UVRAG: variants seen among roughly 807,000 people sequenced by gnomAD.
UVRAG encodes the protein UV radiation resistance-associated gene protein.
Under a neutral mutation model 78.0 loss-of-function variants are expected in UVRAG, and 19 were observed. The ratio of observed to expected loss-of-function variants is 0.24; its 90% confidence interval spans 0.17 to 0.36. The LOEUF (loss-of-function observed/expected upper bound fraction) is 0.36. Ranked by LOEUF, UVRAG falls within the 10% of genes least tolerant of loss-of-function variation. UVRAG has a pLI of 1.00. For missense variants in UVRAG, 740 were observed against 853.8 expected, an observed-to-expected ratio of 0.87 and a Z score of 1.66; for synonymous variants, 323 against 324.6, an observed-to-expected ratio of 1.00 and a Z score of 0.05.
intron 1 of UVRAG, among the ~76,000 whole-genome samples, chr11:75,822,350 T>A (rs374875594): frequency 2.0e-5 from 3 of 152,212 alleles, no homozygotes; most frequent in African/African-American, 7.2e-5. Context: ...ACTATCAGCA[T>A]AACCCTTCTG....
chr11:75,927,801 G>T (rs921114206), intron 6 of UVRAG, among the ~76,000 whole-genome samples: 4 of 152,244 alleles, frequency 2.6e-5, no homozygotes, highest in Non-Finnish European at 5.9e-5. Context: ...TAGCTAGGTG[G>T]TCAGTCTAGT....
chr11:75,962,924 C>T (rs984166333), intron 7 of UVRAG, among the ~76,000 whole-genome samples: 2 of 152,078 alleles, frequency 1.3e-5, no homozygotes, highest in Non-Finnish European at 2.9e-5. Flanking sequence ...ACATACAGAG[C>T]AAGGTAACAG....
rs1167402166 is a variant in UVRAG at position 76,143,498 on chromosome 11, G to T, written c.*2085G>T. 6.6e-6 allele frequency among the ~76,000 whole-genome samples: 1 copy of T among 152,248 alleles called. No individual in the cohort carries two copies. Among genetic ancestry groups the T allele is most frequent in the Non-Finnish European group, 1.5e-5 (1 of 68,048 alleles). ...GTGGCTTTTCACCGCACGGCGGGGA[G>T]CCCTGCTCTTGAATGTCATCGGGCT... On this transcript the variant is annotated 3_prime_UTR_variant, in exon 15 of 15. Coordinates refer to ENST00000356136, the MANE Select transcript of UVRAG (RefSeq NM_003369.4).
intron 14 of UVRAG, among the ~76,000 whole-genome samples, chr11:76,125,918 C>T (rs1251917841): frequency 6.6e-6 from 1 of 151,440 alleles, no homozygotes; most frequent in African/African-American, 2.4e-5. Flanking sequence ...TAATATGAGC[C>T]ATACATATAA....
intron 13 of UVRAG, among the ~76,000 whole-genome samples, chr11:76,096,070 G>T (rs755808578): frequency 6.6e-6 from 1 of 152,246 alleles, no homozygotes; most frequent in Non-Finnish European, 1.5e-5. Flanking sequence ...AGTGTCATTT[G>T]TGTAGCTTGT....
intron 13 of UVRAG, among the ~76,000 whole-genome samples, chr11:76,095,511 T>C (rs1409875354): frequency 6.6e-6 from 1 of 150,612 alleles, no homozygotes; most frequent in African/African-American, 2.4e-5. Context: ...GTCTCATATA[T>C]CATATATTCA....
chr11:76,114,370 A>C (rs1282971477), intron 13 of UVRAG, among the ~76,000 whole-genome samples: 1 of 152,146 alleles, frequency 6.6e-6, no homozygotes, highest in Non-Finnish European at 1.5e-5. Context: ...TGCTTTCTCA[A>C]GTATTGTTAC....
chr11:75,816,195 AT>A (rs1565326647), intron 1 of UVRAG, among the ~76,000 whole-genome samples: 1 of 152,064 alleles, frequency 6.6e-6, no homozygotes, highest in African/African-American at 2.4e-5. Context: ...TTTGATGTAT[AT>A]ATTCATGTGT....
chr11:76,071,114 A>C (rs756388864), intron 13 of UVRAG, among the ~76,000 whole-genome samples: 1 of 152,230 alleles, frequency 6.6e-6, no homozygotes, highest in Non-Finnish European at 1.5e-5. Context: ...AGAGACATAC[A>C]ATAAACAGAG....
intron 13 of UVRAG, among the ~76,000 whole-genome samples, chr11:76,111,675 GA>G (rs527768272): frequency 6.6e-6 from 1 of 151,996 alleles, no homozygotes; most frequent in Non-Finnish European, 1.5e-5. Flanking sequence ...TCTTTCTGAG[GA>G]AAAAACAGAG....
intron 6 of UVRAG, among the ~76,000 whole-genome samples, chr11:75,927,904 C>G (rs1207607826): frequency 6.6e-6 from 1 of 152,008 alleles, no homozygotes; most frequent in Non-Finnish European, 1.5e-5. Flanking sequence ...GGGCTTTGAG[C>G]AAGGGAGTGA....
At chr11:76,084,874 C>T (rs184453676) in intron 13 of UVRAG, among the ~76,000 whole-genome samples, 10 of 151,788 alleles carry the variant, frequency 6.6e-5, no homozygotes, top group Middle Eastern at 3.4e-3. Context: ...CCAGCCTGGC[C>T]AATGTGAAAC....
intron 12 of UVRAG, among the ~76,000 whole-genome samples, chr11:76,023,787 T>C (rs1390537773): frequency 6.6e-6 from 1 of 152,200 alleles, no homozygotes; most frequent in Non-Finnish European, 1.5e-5. Context: ...ACAATTGATA[T>C]AAACCTTTGA....
At chr11:76,041,077 C>T (rs996820135) in intron 12 of UVRAG, among the ~76,000 whole-genome samples, 2 of 152,026 alleles carry the variant, frequency 1.3e-5, no homozygotes, top group African/African-American at 4.8e-5. Flanking sequence ...AAAAAAAATT[C>T]CAATGCAAGA....
In UVRAG at chr11:75,815,231, C is replaced by CCAGCGGCGG. The variant is rs1387712241; in HGVS notation, c.-174_-166dup. 6.7e-6 allele frequency: 3 copies of CCAGCGGCGG among 445,286 alleles called. No individual in the cohort carries two copies. Among genetic ancestry groups the CCAGCGGCGG allele is most frequent in the Non-Finnish European group, 7.8e-6 (2 of 255,094 alleles). 27.6% of individuals were successfully genotyped at this position (445,286 alleles called of 1,614,324 possible). A position where few individuals can be genotyped will look rare whatever the true frequency, so the allele number is the denominator to read the frequency against. On this transcript the variant is annotated 5_prime_UTR_variant, in exon 1 of 15. Coordinates refer to ENST00000356136, the MANE Select transcript of UVRAG (RefSeq NM_003369.4). ...CTGCGGTAATATGGCTCTTCCTTAG[C>CCAGCGGCGG]CAGCGGCGGCAACGGCGGCAGCGGC...
At chr11:76,034,429 G>A (rs1950492631) in intron 12 of UVRAG, among the ~76,000 whole-genome samples, 1 of 152,082 alleles carries the variant, frequency 6.6e-6, no homozygotes, top group Non-Finnish European at 1.5e-5. Flanking sequence ...GAACTCCTGG[G>A]CTAAAGTGAT....
At chr11:76,051,841 A>G (rs539616287) in intron 12 of UVRAG, among the ~76,000 whole-genome samples, 1 of 152,282 alleles carries the variant, frequency 6.6e-6, no homozygotes, top group African/African-American at 2.4e-5. Context: ...GGAGGAAAAA[A>G]CAATCACTCC....
chr11:76,063,838 A>T (rs1357057475), intron 12 of UVRAG, among the ~76,000 whole-genome samples: 1 of 152,104 alleles, frequency 6.6e-6, no homozygotes, highest in African/African-American at 2.4e-5. Context: ...TTATGTTCTG[A>T]CGATAATAGG....
At chr11:76,102,022 C>A (rs751625275) in intron 13 of UVRAG, among the ~76,000 whole-genome samples, 1 of 152,110 alleles carries the variant, frequency 6.6e-6, no homozygotes, top group Non-Finnish European at 1.5e-5. Context: ...GTGGTGTCTC[C>A]TGCTTTGTTA....
Sources: allele counts gnomAD v4.1 joint callset (sites outside exome capture counted in the v4.1 genomes callset), GRCh38; gene constraint gnomAD v4.1.1; transcripts MANE v1.5; gene names NCBI Gene and HGNC (gene_info 2026-07-23, HGNC 2026-07-21).